HIBCH: variants seen among roughly 807,000 people sequenced by gnomAD.
HIBCH encodes 3-hydroxyisobutyryl-CoA hydrolase, also known as 3-hydroxyisobutyryl-CoA hydrolase, mitochondrial.
Under a neutral mutation model 58.2 loss-of-function variants are expected in HIBCH, and 50 were observed. The observed-to-expected ratio is 0.86, with a 90% CI of 0.68 to 1.09. The LOEUF (loss-of-function observed/expected upper bound fraction) is 1.09, where lower values mean the gene tolerates loss of function less well. Among genes scored for constraint, HIBCH ranks in the 50% least tolerant of loss-of-function variants. The probability of loss-of-function intolerance (pLI) is 0.00; values close to 1 mark genes in which losing one functional copy is unlikely to be tolerated. For synonymous variants in HIBCH, 151 were observed against 146.9 expected (o/e 1.03, Z -0.20); for missense variants, 450 against 449.7 (o/e 1.00, Z -0.01).
At chr2:190,233,900 G>A (rs1269053840) in intron 11 of HIBCH, among the ~76,000 whole-genome samples, 1 of 152,212 alleles carries the variant, frequency 6.6e-6, no homozygotes, top group African/African-American at 2.4e-5. Flanking sequence ...GGTCACGCCT[G>A]TAATCCCAGC....
chr2:190,277,156 T>C (rs934749628), intron 6 of HIBCH, among the ~76,000 whole-genome samples: 3 of 152,176 alleles, frequency 2.0e-5, no homozygotes, highest in Admixed American at 6.5e-5. Flanking sequence ...CATAAAAAAA[T>C]TGTTTCTCTT....
In HIBCH at chr2:190,291,340, G is replaced by C. The variant is rs115068837; in HGVS notation, c.305-855C>G. Reference sequence around the variant, plus strand: ...ATATTCTTTGTCCTGTAAGGATTGGGGTGCTGTCAGAATGGGAGCAGGAGA... The same window carrying C: ...ATATTCTTTGTCCTGTAAGGATTGGCGTGCTGTCAGAATGGGAGCAGGAGA... On this transcript the variant is annotated intron_variant, in intron 4 of 13. Transcript: ENST00000359678. 6.8e-3 allele frequency among the ~76,000 whole-genome samples: 1,031 copies of C among 152,236 alleles called. 13 individuals are homozygous for C. The highest frequency in any genetic ancestry group is 0.023 in the African/African-American group (937 of 41,534).
chr2:190,238,035 C>T (rs542139070), intron 11 of HIBCH, among the ~76,000 whole-genome samples: 1 of 152,158 alleles, frequency 6.6e-6, no homozygotes, highest in East Asian at 1.9e-4. Context: ...TATTCCATGG[C>T]GTATATATGC....
chr2:190,232,702 T>C (rs1237875496), intron 11 of HIBCH, among the ~76,000 whole-genome samples: 2 of 152,244 alleles, frequency 1.3e-5, no homozygotes, highest in Admixed American at 6.5e-5. Flanking sequence ...CTCACGCCTG[T>C]AATCCCAGCA....
intron 6 of HIBCH, among the ~76,000 whole-genome samples, chr2:190,270,449 A>C (rs573740855): frequency 3.9e-5 from 6 of 152,332 alleles, no homozygotes; most frequent in Middle Eastern, 6.8e-3. Flanking sequence ...ACAGTAAAGA[A>C]GACAAAAAAC....
intron 6 of HIBCH, among the ~76,000 whole-genome samples, chr2:190,269,202 G>C (rs1407848753): frequency 7.2e-5 from 11 of 152,154 alleles, no homozygotes; most frequent in Admixed American, 7.2e-4. Context: ...AACAGCAAAA[G>C]CAATGCCAAC....
In HIBCH at chr2:190,315,099, C is replaced by T. The variant is rs1448340356; in HGVS notation, c.36-4303G>A. ...AGTAGCTGGGACTACAGGTGCCTGC[C>T]ACCATGCCCGGCTAATTTTTTGTAT... On this transcript the variant is annotated intron_variant, in intron 1 of 13. Coordinates refer to ENST00000359678, the MANE Select transcript of HIBCH (RefSeq NM_014362.4). The surrounding 1 kb of genome is among the most constrained non-coding windows in gnomAD (Gnocchi z 5.4). Among the ~76,000 whole-genome samples, 2 of 152,126 alleles carry T rather than the reference C, an allele frequency of 1.3e-5. No individual in the cohort carries two copies. Among genetic ancestry groups the T allele is most frequent in the East Asian group, 3.9e-4 (2 of 5,150 alleles).
chr2:190,250,343 G>C, intron 8 of HIBCH: 1 of 463,692 alleles, frequency 2.2e-6, no homozygotes, highest in Non-Finnish European at 4.5e-6. Flanking sequence ...TCAATTCTTT[G>C]AGTATTTTCT....
intron 11 of HIBCH, among the ~76,000 whole-genome samples, chr2:190,220,071 A>C (rs536497119): frequency 6.6e-6 from 1 of 152,330 alleles, no homozygotes; most frequent in Admixed American, 6.5e-5. Flanking sequence ...TAAAATAAGA[A>C]TTACAGATCT....
At chr2:190,224,102 A>T (rs1685814542) in intron 11 of HIBCH, among the ~76,000 whole-genome samples, 1 of 152,172 alleles carries the variant, frequency 6.6e-6, no homozygotes, top group Non-Finnish European at 1.5e-5. Flanking sequence ...ACACCAGGAG[A>T]TTATATCCTG....
chr2:190,283,149 T>C (rs10931447), intron 6 of HIBCH, among the ~76,000 whole-genome samples: 23,976 of 152,228 alleles, frequency 0.16, 2,706 homozygotes, highest in East Asian at 0.4. Context: ...ATTTGTTAGA[T>C]ATGAGTTCTA....
rs190515109 is a variant in HIBCH, at chr2:190,295,197, G to A, written c.220-567C>T. Among the ~76,000 whole-genome samples the A allele has an allele frequency of 5.2e-3, 797 of 152,266 alleles. 11 individuals carry two copies. Among genetic ancestry groups the A allele is most frequent in the African/African-American group, 9.6e-3 (399 of 41,554 alleles). ...AATGTGAAAGTCCAGAACAATGGACGAAATGAAAAATTAGTTACCCACAGA... is the reference window on the plus strand; with the variant it reads ...AATGTGAAAGTCCAGAACAATGGACAAAATGAAAAATTAGTTACCCACAGA... On this transcript the variant is annotated intron_variant, in intron 3 of 13. Coordinates refer to ENST00000359678, the MANE Select transcript of HIBCH (RefSeq NM_014362.4).
intron 11 of HIBCH, among the ~76,000 whole-genome samples, chr2:190,226,855 A>AG (rs1393034175): frequency 9.9e-5 from 15 of 152,134 alleles, no homozygotes; most frequent in Non-Finnish European, 2.1e-4. Context: ...TAAAATACCT[A>AG]AAATCCAACT....
At chr2:190,260,144 A>G (rs563393223) in intron 7 of HIBCH, among the ~76,000 whole-genome samples, 1 of 152,324 alleles carries the variant, frequency 6.6e-6, no homozygotes, top group African/African-American at 2.4e-5. Context: ...TTACTTGTGA[A>G]TGACATAATT....
chr2:190,198,631 C>CAAAAAAAAAAAAAAAAA (rs35125102), intron 1 of HIBCH, among the ~76,000 whole-genome samples: 1 of 70,592 alleles, frequency 1.4e-5, no homozygotes, highest in Non-Finnish European at 2.6e-5. Context: ...GACCCTGTCT[C>CAAAAAAAAAAAAAAAAA]AAAAAAAAAA....
At chr2:190,293,389 G>T (rs778881290) in intron 4 of HIBCH, among the ~76,000 whole-genome samples, 11 of 151,884 alleles carry the variant, frequency 7.2e-5, no homozygotes, top group Non-Finnish European at 1.3e-4. Flanking sequence ...GGAGGTGGAG[G>T]TTGCAGCGAG....
intron 3 of HIBCH, among the ~76,000 whole-genome samples, chr2:190,295,284 T>C (rs1052607259): frequency 1.3e-5 from 2 of 152,334 alleles, no homozygotes; most frequent in Admixed American, 6.5e-5. Flanking sequence ...TCTGAAATGC[T>C]TGGGACCAAA....
chr2:190,244,541 T>C (rs952807592), intron 11 of HIBCH, among the ~76,000 whole-genome samples: 7 of 152,284 alleles, frequency 4.6e-5, no homozygotes, highest in Non-Finnish European at 8.8e-5. Flanking sequence ...AGGTGACTAA[T>C]CTCCAGTGAC....
At chr2:190,258,438 C>G (rs1464659026) in intron 7 of HIBCH, among the ~76,000 whole-genome samples, 1 of 152,174 alleles carries the variant, frequency 6.6e-6, no homozygotes, top group Non-Finnish European at 1.5e-5. Context: ...GTAGAAGTGA[C>G]TTGGGAACTA....
Sources: allele counts gnomAD v4.1 joint callset (sites outside exome capture counted in the v4.1 genomes callset), GRCh38; gene constraint gnomAD v4.1.1; non-coding constraint Gnocchi (gnomAD v3.1); transcripts MANE v1.5; gene names NCBI Gene and HGNC (gene_info 2026-07-23, HGNC 2026-07-21).